Variants in ZCCHC7 observed in about 807,000 individuals in gnomAD.
ZCCHC7 encodes zinc finger CCHC-type containing 7, also known as zinc finger CCHC domain-containing protein 7.
A neutral mutation model predicts 52.0 loss-of-function variants in ZCCHC7; 35 were observed. The ratio of observed to expected loss-of-function variants is 0.67; its 90% CI spans 0.51 to 0.89. ZCCHC7 has a LOEUF of 0.89. Ranked by LOEUF, ZCCHC7 falls within the 40% of genes least tolerant of loss-of-function variation. The pLI is 0.00. For synonymous variants in ZCCHC7, 217 were observed against 221.5 expected (o/e 0.98, Z 0.18); for missense variants, 574 against 649.1 (o/e 0.88, Z 1.26).
At chr9:37,332,896 ATATT>A (rs1830506865) in intron 6 of ZCCHC7, among the ~76,000 whole-genome samples, 1 of 151,554 alleles carries the variant, frequency 6.6e-6, no homozygotes, top group African/African-American at 2.4e-5. Context: ...GTATGTATGC[ATATT>A]TATTTGTGAA....
intron 2 of ZCCHC7, among the ~76,000 whole-genome samples, chr9:37,193,902 G>C (rs950910067): frequency 2.0e-5 from 3 of 152,142 alleles, no homozygotes; most frequent in African/African-American, 7.2e-5. Context: ...AGCTTGTCCT[G>C]TGTGACCCTT....
At chr9:37,296,347 T>C (rs547455659) in intron 2 of ZCCHC7, among the ~76,000 whole-genome samples, 146 of 152,326 alleles carry the variant, frequency 9.6e-4, no homozygotes, top group African/African-American at 3.4e-3. Flanking sequence ...GCTATTACTT[T>C]TATGGTATAA....
chr9:37,147,697 A>G (rs757964179), intron 2 of ZCCHC7, among the ~76,000 whole-genome samples: 3 of 152,104 alleles, frequency 2.0e-5, no homozygotes, highest in South Asian at 2.1e-4. Flanking sequence ...AATAGCTCAT[A>G]TAGTGCTTTA....
intron 8 of ZCCHC7, among the ~76,000 whole-genome samples, chr9:37,356,453 C>T (rs1821707352): frequency 6.6e-6 from 1 of 152,156 alleles, no homozygotes; most frequent in Admixed American, 6.5e-5. Flanking sequence ...CATATGAGAC[C>T]ATCAAAAGGC....
At chr9:37,181,470 A>G (rs1044787645) in intron 2 of ZCCHC7, among the ~76,000 whole-genome samples, 1 of 152,244 alleles carries the variant, frequency 6.6e-6, no homozygotes, top group Non-Finnish European at 1.5e-5. Flanking sequence ...AATAAACGCT[A>G]TATCCATCAG....
At chr9:37,164,181 C>A (rs1253488042) in intron 2 of ZCCHC7, among the ~76,000 whole-genome samples, 2 of 151,982 alleles carry the variant, frequency 1.3e-5, no homozygotes, top group South Asian at 2.1e-4. Context: ...GTAGCTCACG[C>A]CTGTAATCCC....
intron 1 of ZCCHC7, chr9:37,121,587 G>A (rs1046491186): frequency 4.6e-5 from 7 of 152,160 alleles, no homozygotes; most frequent in Admixed American, 1.3e-4. Context: ...TTAGGAAAGC[G>A]TTATGCTTTC....
intron 2 of ZCCHC7, among the ~76,000 whole-genome samples, chr9:37,130,923 AATAC>A (rs138508343): frequency 0.016 from 2,437 of 152,302 alleles, 74 homozygotes; most frequent in African/African-American, 0.055. Flanking sequence ...AAAGACAATA[AATAC>A]ATACATATTT....
At chr9:37,203,268 C>T (rs182897239) in intron 2 of ZCCHC7, among the ~76,000 whole-genome samples, 26 of 152,176 alleles carry the variant, frequency 1.7e-4, no homozygotes, top group Admixed American at 1.5e-3. Context: ...AATCCAGGTA[C>T]GCAACAGTTT....
chr9:37,219,097 A>G (rs751024940), intron 2 of ZCCHC7, among the ~76,000 whole-genome samples: 6 of 152,176 alleles, frequency 3.9e-5, no homozygotes, highest in African/African-American at 7.2e-5. Context: ...ATTCTGCTTA[A>G]GGTTTGAGAA....
intron 1 of ZCCHC7, chr9:37,121,749 T>G (rs1842324384): frequency 6.6e-6 from 1 of 152,192 alleles, no homozygotes; most frequent in Non-Finnish European, 1.5e-5. Context: ...TTAGTTCTCG[T>G]AAAAATCATA....
intron 2 of ZCCHC7, among the ~76,000 whole-genome samples, chr9:37,180,418 A>C (rs1344542914): frequency 1.4e-5 from 2 of 146,324 alleles, no homozygotes; most frequent in Non-Finnish European, 2.9e-5. Flanking sequence ...TTCTAATGTT[A>C]ATAATACAGT....
At chr9:37,304,658 A>AG (rs1249831672) in intron 4 of ZCCHC7, among the ~76,000 whole-genome samples, 1 of 91,014 alleles carries the variant, frequency 1.1e-5, no homozygotes, top group African/African-American at 7.5e-5. Context: ...TCTGTCTCAG[A>AG]AAAAAAAAAA....
intron 2 of ZCCHC7, among the ~76,000 whole-genome samples, chr9:37,254,502 T>C (rs1468037847): frequency 6.6e-6 from 1 of 151,868 alleles, no homozygotes; most frequent in Admixed American, 6.6e-5. Context: ...GGGTGTTGAC[T>C]AGAGAGCTCC....
intron 2 of ZCCHC7, among the ~76,000 whole-genome samples, chr9:37,233,714 A>C (rs1825510752): frequency 6.6e-6 from 1 of 152,196 alleles, no homozygotes; most frequent in Non-Finnish European, 1.5e-5. Flanking sequence ...TAGGAATGGC[A>C]GAGAATGGCA....
intron 2 of ZCCHC7, among the ~76,000 whole-genome samples, chr9:37,247,024 T>A (rs1031261134): frequency 2.0e-5 from 3 of 152,164 alleles, no homozygotes; most frequent in Non-Finnish European, 4.4e-5. Flanking sequence ...ACAGATATCT[T>A]TAACTTATTC....
chr9:37,332,401 C>CT (rs1830484136), intron 6 of ZCCHC7, among the ~76,000 whole-genome samples: 1 of 151,194 alleles, frequency 6.6e-6, no homozygotes, highest in Non-Finnish European at 1.5e-5. Flanking sequence ...TAGTCCATCT[C>CT]TGATAACAGA....
chr9:37,230,100 TA>T (rs1157687558), intron 2 of ZCCHC7, among the ~76,000 whole-genome samples: 1 of 152,346 alleles, frequency 6.6e-6, no homozygotes. Context: ...TCTCCTGTGG[TA>T]AAAATGACTT....
At chr9:37,163,713 A>C (rs1017929992) in intron 2 of ZCCHC7, among the ~76,000 whole-genome samples, 1 of 152,182 alleles carries the variant, frequency 6.6e-6, no homozygotes, top group Non-Finnish European at 1.5e-5. Context: ...TTGTTCTTTA[A>C]TGGATCATGC....
Sources: allele counts gnomAD v4.1 joint callset (sites outside exome capture counted in the v4.1 genomes callset), GRCh38; gene constraint gnomAD v4.1.1; transcripts MANE v1.5; gene names NCBI Gene and HGNC (gene_info 2026-07-23, HGNC 2026-07-21).